The following SUMF1 variants were observed in gnomAD, a reference collection of about 807,000 sequenced individuals.
The protein encoded by SUMF1 is formylglycine-generating enzyme.
SUMF1 carries 48 observed loss-of-function variants against 47.6 expected under a neutral mutation model. That is an observed-to-expected ratio of 1.01 (90% CI 0.80 to 1.28). The LOEUF (loss-of-function observed/expected upper bound fraction) is 1.28. Among genes scored for constraint, SUMF1 ranks in the 50% most tolerant of loss-of-function variants. The probability of loss-of-function intolerance (pLI) is 0.00; values close to 1 mark genes in which losing one functional copy is unlikely to be tolerated. For missense variants in SUMF1, 571 were observed against 485.4 expected (o/e 1.18, Z -1.66); for synonymous variants, 230 against 192.1 (o/e 1.20, Z -1.63).
intron 8 of SUMF1, among the ~76,000 whole-genome samples, chr3:4,300,265 A>T (rs1697936258): frequency 6.6e-6 from 1 of 152,066 alleles, no homozygotes; most frequent in Non-Finnish European, 1.5e-5. Flanking sequence ...CTTCCTCTTC[A>T]CCTTCTACTA....
At chr3:4,074,664 C>T (rs1692378569) in intron 8 of SUMF1, among the ~76,000 whole-genome samples, 1 of 151,980 alleles carries the variant, frequency 6.6e-6, no homozygotes, top group African/African-American at 2.4e-5. Context: ...GATATTACCA[C>T]CGATCCCATG....
At chr3:4,245,551 G>T (rs1696644468) in intron 8 of SUMF1, among the ~76,000 whole-genome samples, 1 of 152,110 alleles carries the variant, frequency 6.6e-6, no homozygotes, top group Admixed American at 6.5e-5. Context: ...CTGTTTGCCT[G>T]ACTATCACCA....
At chr3:4,376,516 C>A in intron 7 of SUMF1, 127 bp from the exon 8 acceptor site, 1 of 946,444 alleles carries the variant, frequency 1.1e-6, no homozygotes, top group Non-Finnish European at 1.7e-6. Context: ...TGCATTTCCA[C>A]CCCTAGGCTT....
chr3:4,098,999 G>A (rs1293894150), intron 8 of SUMF1, among the ~76,000 whole-genome samples: 3 of 152,002 alleles, frequency 2.0e-5, no homozygotes, highest in African/African-American at 4.8e-5. Flanking sequence ...ACCCACTAGC[G>A]ACAGTAAAGA....
chr3:4,322,673 G>T (rs1009680566), intron 8 of SUMF1, among the ~76,000 whole-genome samples: 1 of 150,726 alleles, frequency 6.6e-6, no homozygotes, highest in Non-Finnish European at 1.5e-5. Context: ...AAAAAAAAAA[G>T]AAAGAAAAAA....
chr3:4,424,722 A>C (rs989955973), intron 3 of SUMF1, among the ~76,000 whole-genome samples: 10 of 152,254 alleles, frequency 6.6e-5, no homozygotes, highest in African/African-American at 2.4e-4. Flanking sequence ...TAACCTATAG[A>C]ATACACATTT....
rs541900279 is a variant in SUMF1, at chr3:4,039,789, G to C, written c.1191+28780C>G. Among the ~76,000 whole-genome samples the C allele has an allele frequency of 5.3e-5, 8 of 152,234 alleles. No individual in the cohort carries two copies. The South Asian group carries it at 1.7e-3, about 32-fold the overall frequency. On this transcript the variant is annotated intron_variant and NMD_transcript_variant, in intron 9 of 12. Transcript: ENST00000448413. ...TAATCTCAGCACTTTTGGAGGCTGAGGCAGGAGGATCACTTGATGCCAGGA... is the reference window on the plus strand; with the variant it reads ...TAATCTCAGCACTTTTGGAGGCTGACGCAGGAGGATCACTTGATGCCAGGA...
At chr3:4,403,008 CAGTAACAGTAGGCGTGCCTGT>C (rs1236756188) in intron 7 of SUMF1, among the ~76,000 whole-genome samples, 1 of 152,182 alleles carries the variant, frequency 6.6e-6, no homozygotes, top group Non-Finnish European at 1.5e-5. Flanking sequence ...CTGCTACTCA[CAGTAACAGTAGGCGTGCCTGT>C]AGTACCAGTA....
intron 7 of SUMF1, among the ~76,000 whole-genome samples, chr3:4,378,028 A>G (rs1322092310): frequency 2.6e-5 from 4 of 152,236 alleles, no homozygotes; most frequent in Non-Finnish European, 4.4e-5. Flanking sequence ...AGAAGTGCAC[A>G]TTACCTTCTA....
intron 3 of SUMF1, among the ~76,000 whole-genome samples, chr3:4,421,589 C>T (rs1055339783): frequency 1.3e-5 from 2 of 152,172 alleles, no homozygotes; most frequent in Non-Finnish European, 2.9e-5. Context: ...AAGTGATCCT[C>T]CCGCCTCACC....
At chr3:4,398,036 A>G (rs530357085) in intron 7 of SUMF1, among the ~76,000 whole-genome samples, 67 of 152,268 alleles carry the variant, frequency 4.4e-4, no homozygotes, top group African/African-American at 1.5e-3. Context: ...TGAAAGGTTA[A>G]CTAACTTGCT....
intron 8 of SUMF1, among the ~76,000 whole-genome samples, chr3:4,204,006 G>A (rs1306472903): frequency 1.3e-5 from 2 of 151,956 alleles, no homozygotes; most frequent in South Asian, 2.1e-4. Context: ...CAAGACATAA[G>A]TAGTTTATAT....
chr3:4,419,011 A>T (rs1701808297), intron 4 of SUMF1, among the ~76,000 whole-genome samples: 1 of 152,148 alleles, frequency 6.6e-6, no homozygotes, highest in African/African-American at 2.4e-5. Flanking sequence ...TATTCTTTCA[A>T]CAAACATCTA....
intron 9 of SUMF1, among the ~76,000 whole-genome samples, chr3:4,047,055 T>C (rs1695020303): frequency 6.6e-6 from 1 of 152,056 alleles, no homozygotes; most frequent in Admixed American, 6.6e-5. Flanking sequence ...TTCTGCCTTA[T>C]GAACTTTGAA....
At chr3:4,255,390 C>T in intron 8 of SUMF1, among the ~76,000 whole-genome samples, 2 of 97,582 alleles carry the variant, frequency 2.0e-5, no homozygotes, top group African/African-American at 8.3e-5. Context: ...CAGAGACACA[C>T]ATAGGCTCAA....
At chr3:4,144,755 C>T (rs1694154652) in intron 8 of SUMF1, among the ~76,000 whole-genome samples, 1 of 152,080 alleles carries the variant, frequency 6.6e-6, no homozygotes, top group South Asian at 2.1e-4. Context: ...CATTAGGTTT[C>T]ACGTAATTTC....
At chr3:4,327,833 A>T (rs1698976112) in intron 8 of SUMF1, among the ~76,000 whole-genome samples, 1 of 152,228 alleles carries the variant, frequency 6.6e-6, no homozygotes, top group African/African-American at 2.4e-5. Flanking sequence ...TAAATATCAA[A>T]GATTTAAAAC....
chr3:4,212,033 G>T (rs1233378650), intron 8 of SUMF1, among the ~76,000 whole-genome samples: 1 of 152,298 alleles, frequency 6.6e-6, no homozygotes, highest in South Asian at 2.1e-4. Flanking sequence ...CTGCCTGATG[G>T]CTCTGAAGAG....
intron 9 of SUMF1, among the ~76,000 whole-genome samples, chr3:4,064,001 G>A (rs900617550): frequency 2.6e-5 from 4 of 152,038 alleles, no homozygotes; most frequent in African/African-American, 9.7e-5. Flanking sequence ...ACAATTATTA[G>A]CACTGCTTGA....
Sources: allele counts gnomAD v4.1 joint callset (sites outside exome capture counted in the v4.1 genomes callset), GRCh38; gene constraint gnomAD v4.1.1; transcripts MANE v1.5; gene names NCBI Gene and HGNC (gene_info 2026-07-23, HGNC 2026-07-21).